The following SDHAF3 variants were observed in gnomAD, a reference collection of about 807,000 sequenced individuals.
SDHAF3 encodes the protein succinate dehydrogenase assembly factor 3, mitochondrial.
In SDHAF3, 18 loss-of-function variants were observed where a neutral mutation model predicts 11.5. The ratio of observed to expected loss-of-function variants is 1.56; its 90% CI spans 1.08 to 2.32. The LOEUF (loss-of-function observed/expected upper bound fraction) is 2.32. Ranked by LOEUF, SDHAF3 falls within the 30% of genes most tolerant of loss-of-function variation. The pLI is 0.00. For synonymous variants in SDHAF3, 72 were observed against 59.3 expected (o/e 1.21, Z -0.99); for missense variants, 200 against 154.4 (o/e 1.30, Z -1.57).
At chr7:97,143,358 G>A (rs1789085054) in intron 1 of SDHAF3, among the ~76,000 whole-genome samples, 2 of 151,702 alleles carry the variant, frequency 1.3e-5, no homozygotes, top group African/African-American at 2.4e-5. Context: ...GGTTACATGC[G>A]TAAGTTCTTT....
chr7:97,120,456 C>T (rs1791473874), intron 1 of SDHAF3, among the ~76,000 whole-genome samples: 1 of 151,886 alleles, frequency 6.6e-6, no homozygotes, highest in South Asian at 2.1e-4. Context: ...GTTTTATCAC[C>T]AGAGAGTAAT....
chr7:97,176,008 T>A (rs1290850185), intron 1 of SDHAF3, among the ~76,000 whole-genome samples: 1 of 152,216 alleles, frequency 6.6e-6, no homozygotes, highest in Admixed American at 6.5e-5. Context: ...TCCAAACTTA[T>A]TTTTTCTTCA....
intron 1 of SDHAF3, among the ~76,000 whole-genome samples, chr7:97,150,014 T>C (rs528545373): frequency 2.0e-5 from 3 of 152,356 alleles, no homozygotes; most frequent in African/African-American, 7.2e-5. Context: ...CAGGAGTAGA[T>C]TCCATTTGAA....
At chr7:97,155,144 AC>A (rs1192493418) in intron 1 of SDHAF3, among the ~76,000 whole-genome samples, 2 of 152,232 alleles carry the variant, frequency 1.3e-5, no homozygotes, top group African/African-American at 2.4e-5. Flanking sequence ...GTCTTTATGT[AC>A]AAAAAACATA....
At chr7:97,143,980 C>T (rs10953204) in intron 1 of SDHAF3, among the ~76,000 whole-genome samples, 36,831 of 152,052 alleles carry the variant, frequency 0.24, 4,631 homozygotes, top group East Asian at 0.42. Context: ...CTGATCACCG[C>T]ATCCACGCCA....
chr7:97,168,434 T>C (rs1450656960), intron 1 of SDHAF3, among the ~76,000 whole-genome samples: 1 of 152,158 alleles, frequency 6.6e-6, no homozygotes, highest in African/African-American at 2.4e-5. Context: ...GTTATATTTG[T>C]TTAAAACTGT....
At chr7:97,138,212 T>G (rs149420084) in intron 1 of SDHAF3, among the ~76,000 whole-genome samples, 3,757 of 149,932 alleles carry the variant, frequency 0.025, 149 homozygotes, top group African/African-American at 0.088. Flanking sequence ...CAGGCTGGAG[T>G]GCAGTGGCAC....
intron 1 of SDHAF3, among the ~76,000 whole-genome samples, chr7:97,148,868 T>C (rs1420366872): frequency 1.3e-5 from 2 of 152,080 alleles, no homozygotes; most frequent in African/African-American, 4.8e-5. Context: ...TAGCTATACC[T>C]ATTGTCTCCA....
chr7:97,130,990 C>T (rs1791662655), intron 1 of SDHAF3, among the ~76,000 whole-genome samples: 2 of 152,184 alleles, frequency 1.3e-5, no homozygotes, highest in Admixed American at 6.5e-5. Flanking sequence ...TTTTCAGGCT[C>T]CAGGCTGTTT....
intron 1 of SDHAF3, among the ~76,000 whole-genome samples, chr7:97,164,831 T>C (rs1339117512): frequency 6.6e-6 from 1 of 152,136 alleles, no homozygotes; most frequent in Non-Finnish European, 1.5e-5. Context: ...TAACATAATT[T>C]CCATAATTTG....
chr7:97,180,951 C>T, intron 1 of SDHAF3, 61 bp from the exon 2 acceptor site: 2 of 1,388,816 alleles, frequency 1.4e-6, no homozygotes, highest in Non-Finnish European at 1.9e-6. Context: ...GAATTCAAGT[C>T]CTCTAATGTT....
At chr7:97,149,369 T>G (rs946458872) in intron 1 of SDHAF3, among the ~76,000 whole-genome samples, 8 of 152,172 alleles carry the variant, frequency 5.3e-5, no homozygotes, top group African/African-American at 1.9e-4. Context: ...TTTTAAAGCT[T>G]ACTGGTGCCA....
chr7:97,173,546 A>ATT (rs10538365), intron 1 of SDHAF3, among the ~76,000 whole-genome samples: 25,423 of 135,258 alleles, frequency 0.19, 2,745 homozygotes, highest in Non-Finnish European at 0.25. Context: ...CAAAATTAGA[A>ATT]TTTTTTTTTT....
At chr7:97,122,593 ACT>A (rs1791518736) in intron 1 of SDHAF3, among the ~76,000 whole-genome samples, 1 of 152,082 alleles carries the variant, frequency 6.6e-6, no homozygotes, top group Non-Finnish European at 1.5e-5. Flanking sequence ...AGAATGGATA[ACT>A]CTCAGGTTTG....
At chr7:97,161,999 G>A (rs888799458) in intron 1 of SDHAF3, among the ~76,000 whole-genome samples, 1 of 152,170 alleles carries the variant, frequency 6.6e-6, no homozygotes, top group Non-Finnish European at 1.5e-5. Context: ...GATCCTTGAG[G>A]AATTGCCACA....
At chr7:97,176,410 G>A (rs552794408) in intron 1 of SDHAF3, among the ~76,000 whole-genome samples, 216 of 152,338 alleles carry the variant, frequency 1.4e-3, no homozygotes, top group Non-Finnish European at 2.5e-3. Context: ...GATGCTGTTA[G>A]TTAATGTGTA....
chr7:97,170,883 A>G (rs1789593456), intron 1 of SDHAF3, among the ~76,000 whole-genome samples: 1 of 152,166 alleles, frequency 6.6e-6, no homozygotes, highest in Admixed American at 6.6e-5. Flanking sequence ...ATATATTACA[A>G]GTGTTTGTGG....
At chr7:97,139,361 A>G (rs762701709) in intron 1 of SDHAF3, among the ~76,000 whole-genome samples, 22 of 152,264 alleles carry the variant, frequency 1.4e-4, no homozygotes, top group Middle Eastern at 6.8e-3. Context: ...TGGGGCTTTT[A>G]TGGGCTCAGA....
chr7:97,118,411 A>G (rs1438137154), intron 1 of SDHAF3, among the ~76,000 whole-genome samples: 2 of 152,228 alleles, frequency 1.3e-5, no homozygotes, highest in African/African-American at 2.4e-5. Context: ...GGAGATTACA[A>G]ACTGTGAAGG....
Sources: allele counts gnomAD v4.1 joint callset (sites outside exome capture counted in the v4.1 genomes callset), GRCh38; gene constraint gnomAD v4.1.1; transcripts MANE v1.5; gene names NCBI Gene and HGNC (gene_info 2026-07-23, HGNC 2026-07-21).